CMPK2: variants seen among roughly 807,000 people sequenced by gnomAD.
CMPK2 encodes the protein UMP-CMP kinase 2, mitochondrial.
In CMPK2, 32 loss-of-function variants were observed where a neutral mutation model predicts 33.4. That is an observed-to-expected ratio of 0.96 (90% CI 0.72 to 1.29). The LOEUF (loss-of-function observed/expected upper bound fraction) is 1.29, where lower values mean the gene tolerates loss of function less well. Among genes scored for constraint, CMPK2 ranks in the 50% most tolerant of loss-of-function variants. The pLI is 0.00. For synonymous variants in CMPK2, 299 were observed against 275.3 expected, an observed-to-expected ratio of 1.09 and a Z score of -0.85; for missense variants, 672 against 616.0, an observed-to-expected ratio of 1.09 and a Z score of -0.96.
chr2:6,844,707 A>C (rs190151709), downstream of CMPK2, among the ~76,000 whole-genome samples: 212 of 152,216 alleles, frequency 1.4e-3, no homozygotes, highest in African/African-American at 5.0e-3. Context: ...TAGACTTCTT[A>C]TCTTCCAGAC....
downstream of CMPK2, among the ~76,000 whole-genome samples, chr2:6,844,161 G>A (rs1451850047): frequency 6.6e-6 from 1 of 152,134 alleles, no homozygotes; most frequent in Non-Finnish European, 1.5e-5. Context: ...AAATGCACCT[G>A]GGGGATTCTG....
At position 6,851,191 on chromosome 2, in the gene CMPK2, G is replaced by A. The variant is rs1662511030; in HGVS notation, c.1226+259C>T. On this transcript the variant is annotated intron_variant, in intron 4 of 4. Transcript: ENST00000256722. ...CAGAGACACTTACTGTCTTACCCAGGTGCAGCTGCTCCTAGCACAGCCAGG... is the reference window on the plus strand; with the variant it reads ...CAGAGACACTTACTGTCTTACCCAGATGCAGCTGCTCCTAGCACAGCCAGG... 3.9e-6 allele frequency: 5 copies of A among 1,288,798 alleles called. No homozygotes were observed. The South Asian group carries it at 6.2e-5, about 16-fold the overall frequency. The allele number at this position is 1,288,798 out of a possible 1,614,324, so 79.8% of individuals were successfully genotyped here. A position where few individuals can be genotyped will look rare whatever the true frequency, so the allele number is the denominator to read the frequency against.
rs1168431767 is a variant in CMPK2, at chr2:6,849,333, C to T, written c.*517G>A. 2.0e-6 allele frequency: 2 copies of T among 986,334 alleles called. No homozygotes were observed. The highest frequency in any genetic ancestry group is 2.4e-6 in the Non-Finnish European group (2 of 830,668). 61.1% of individuals were successfully genotyped at this position (986,334 alleles called of 1,614,324 possible). On this transcript the variant is annotated 3_prime_UTR_variant, in exon 5 of 5. Transcript: ENST00000256722. ...GGCAGCCAGGACACATAGACAGCCT[C>T]TGCAGGAACACTTGGCTCTAGAATT...
chr2:6,865,263 G>A lies in CMPK2; in HGVS notation c.434C>T (p.Ala145Val). 1.3e-6 allele frequency: 2 copies of A among 1,537,708 alleles called. No homozygotes were observed. The highest frequency in any genetic ancestry group is 1.2e-5 in the South Asian group (1 of 84,592). Residue 145 changes from alanine (A) to valine (V), a missense_variant, in exon 1 of 5, where the codon GCG (alanine) becomes GTG (valine). Transcript: ENST00000256722. ...ACAGGCGCCCAGCAGCTCGAGCAGC[G>A]CTTGCCGGGTGTCAGGGTCATCCAG... ...DPLDDPDTRQ[A>V]LLELLGACQE...
At chr2:6,856,022 T>G (rs76078574) in intron 3 of CMPK2, among the ~76,000 whole-genome samples, 4 of 152,182 alleles carry the variant, frequency 2.6e-5, no homozygotes, top group African/African-American at 9.7e-5. Flanking sequence ...TCAACAGGGC[T>G]GTTAGTCACA....
At chr2:6,856,576 T>C (rs1206262245) in intron 3 of CMPK2, among the ~76,000 whole-genome samples, 1 of 152,244 alleles carries the variant, frequency 6.6e-6, no homozygotes, top group Non-Finnish European at 1.5e-5. Flanking sequence ...AATAAGTAAA[T>C]CTTTGGAGAA....
In CMPK2 at chr2:6,849,529, G is replaced by A. The variant is rs569781184; in HGVS notation, c.*321C>T. 16 of 1,083,028 alleles carry A rather than the reference G, an allele frequency of 1.5e-5. No homozygotes were observed. Among genetic ancestry groups the A allele is most frequent in the Non-Finnish European group, 1.8e-5 (16 of 891,984 alleles). 67.1% of individuals were successfully genotyped at this position (1,083,028 alleles called of 1,614,324 possible). Reference sequence around the variant, plus strand: ...TGTCTGCTGCTTCTGTACACCTGGTGCTGTCTGAGTAAGACAGGTCTTCCA... The same window carrying A: ...TGTCTGCTGCTTCTGTACACCTGGTACTGTCTGAGTAAGACAGGTCTTCCA... On this transcript the variant is annotated 3_prime_UTR_variant, in exon 5 of 5. Coordinates refer to ENST00000256722, the MANE Select transcript of CMPK2 (RefSeq NM_207315.4).
intron 3 of CMPK2, among the ~76,000 whole-genome samples, chr2:6,854,943 G>A (rs1227836641): frequency 2.0e-5 from 3 of 151,794 alleles, no homozygotes; most frequent in African/African-American, 4.8e-5. Context: ...TTCAGGATCC[G>A]CAGGCATCCT....
rs561176999 is a variant in CMPK2 at position 6,849,463 on chromosome 2, A to C, written c.*387T>G. The C allele has an allele frequency of 3.0e-6, 3 of 1,016,282 alleles. No homozygotes were observed. The highest frequency in any genetic ancestry group is 1.2e-4 in the Admixed American group (2 of 16,764). 63.0% of individuals were successfully genotyped at this position (1,016,282 alleles called of 1,614,324 possible). A position where few individuals can be genotyped will look rare whatever the true frequency, so the allele number is the denominator to read the frequency against. ...TCTCATCAGCATGCCAGTGTAGGAG[A>C]AGCAGAGGCTCCGGGGTCTCCCTGC... On this transcript the variant is annotated 3_prime_UTR_variant, in exon 5 of 5. Coordinates refer to ENST00000256722, the MANE Select transcript of CMPK2 (RefSeq NM_207315.4).
chr2:6,842,393 G>T (rs528526582), intron 3 of CMPK2, among the ~76,000 whole-genome samples: 1 of 152,178 alleles, frequency 6.6e-6, no homozygotes, highest in Non-Finnish European at 1.5e-5. Flanking sequence ...ATTATAGGGG[G>T]TGTAAACAAT....
chr2:6,857,204 T>G (rs917871382), intron 3 of CMPK2, among the ~76,000 whole-genome samples: 6 of 152,196 alleles, frequency 3.9e-5, no homozygotes, highest in Non-Finnish European at 8.8e-5. Flanking sequence ...GATTATAATC[T>G]TCTCATCCAT....
chr2:6,864,871 A>C (rs1663007639), intron 1 of CMPK2, 151 bp downstream of exon 1: 1 of 1,169,208 alleles, frequency 8.6e-7, no homozygotes, highest in African/African-American at 1.6e-5. Flanking sequence ...GTTGCCTGGC[A>C]TACAGGACAC....
At chr2:6,851,725 A>G in intron 3 of CMPK2, 42 bp from the exon 4 acceptor site, 1 of 1,574,454 alleles carries the variant, frequency 6.4e-7, no homozygotes, top group Non-Finnish European at 8.7e-7. Context: ...CTGCAGAAGA[A>G]GTCAAAGTAG....
rs182453905 is a variant in CMPK2, at chr2:6,849,853, C to T, written c.1347G>A (p.Pro449=). Reference sequence around the variant, plus strand: ...ACGTGGCACCTGGCCAGAGTAACTACGGTTCACTAAAACTATTCTGGATTA... The same window carrying T: ...ACGTGGCACCTGGCCAGAGTAACTATGGTTCACTAAAACTATTCTGGATTA... The part of the protein sequence containing the change: ...LSLIQNSFSE[P] Residue 449 remains proline (P), a synonymous_variant, in exon 5 of 5, where the codon CCG becomes CCA. Transcript: ENST00000256722. 2.9e-4 allele frequency: 470 copies of T among 1,613,786 alleles called. 2 individuals carry two copies. In the African/African-American group the frequency reaches 5.6e-3, roughly 19 times the overall value.
intron 3 of CMPK2, among the ~76,000 whole-genome samples, chr2:6,842,126 T>C (rs1662248969): frequency 6.6e-6 from 1 of 152,120 alleles, no homozygotes; most frequent in Admixed American, 6.5e-5. Flanking sequence ...TAATAGAACT[T>C]TACTTGTAAA....
In CMPK2 at chr2:6,849,730, G is replaced by C. The variant is rs1242989368; in HGVS notation, c.*120C>G. On this transcript the variant is annotated 3_prime_UTR_variant, in exon 5 of 5. Transcript: ENST00000256722. Reference sequence around the variant, plus strand: ...GTAAAATTAAGATGCCTGGTCTCCAGTTTTCTGCCACACAACATGCTTGTA... The same window carrying C: ...GTAAAATTAAGATGCCTGGTCTCCACTTTTCTGCCACACAACATGCTTGTA... 6.5e-7 allele frequency: 1 copy of C among 1,536,704 alleles called. No individual in the cohort carries two copies. Among genetic ancestry groups the C allele is most frequent in the Non-Finnish European group, 8.7e-7 (1 of 1,152,188 alleles).
intron 4 of CMPK2, chr2:6,851,030 T>C (rs1369811333): frequency 9.7e-7 from 1 of 1,030,918 alleles, no homozygotes; most frequent in Non-Finnish European, 1.2e-6. Flanking sequence ...AAAATACGGC[T>C]AATGTTTTCC....
At chr2:6,855,069 C>A (rs543688465) in intron 3 of CMPK2, among the ~76,000 whole-genome samples, 11 of 151,820 alleles carry the variant, frequency 7.2e-5, no homozygotes, top group Non-Finnish European at 1.5e-4. Flanking sequence ...TTTGTCCCCA[C>A]CAAAATCTCA....
chr2:6,866,098 T>G, upstream of CMPK2: 1 of 242,526 alleles, frequency 4.1e-6, no homozygotes, highest in Non-Finnish European at 8.3e-6. Context: ...CTGGTTTGAG[T>G]TCCTCCTCTG....
Sources: gnomAD v4.1 joint callset for allele counts (sites outside exome capture counted in the v4.1 genomes callset) on GRCh38, gnomAD v4.1.1 for gene constraint, MANE v1.5 for transcripts, NCBI Gene and HGNC (gene_info 2026-07-23, HGNC 2026-07-21) for gene names.